The following FBXL7 variants were observed in gnomAD, a reference collection of about 807,000 sequenced individuals.
The protein encoded by FBXL7 is F-box/LRR-repeat protein 7.
A neutral mutation model predicts 38.3 loss-of-function variants in FBXL7; 12 were observed. The observed-to-expected ratio is 0.31, with a 90% CI of 0.20 to 0.51. FBXL7 has a LOEUF of 0.51. FBXL7 is among the 20% of genes least tolerant of loss of function. The probability of loss-of-function intolerance (pLI) is 0.98; values close to 1 mark genes in which losing one functional copy is unlikely to be tolerated. For missense variants in FBXL7, 567 were observed against 676.4 expected (o/e 0.84, Z 1.79); for synonymous variants, 297 against 300.9 (o/e 0.99, Z 0.13).
At chr5:15,692,141 A>G (rs1482852959) in intron 2 of FBXL7, among the ~76,000 whole-genome samples, 1 of 152,150 alleles carries the variant, frequency 6.6e-6, no homozygotes, top group South Asian at 2.1e-4. Flanking sequence ...ATCCGGGGTC[A>G]CTTCTCTTTT....
rs932074114 is a variant in FBXL7 at position 15,782,134 on chromosome 5, A to G, written c.128-145756A>G. Among the ~76,000 whole-genome samples the G allele has an allele frequency of 2.0e-4, 30 of 152,054 alleles. 1 individual carries two copies. The highest frequency in any genetic ancestry group is 2.9e-5 in the Non-Finnish European group (2 of 68,012). On this transcript the variant is annotated intron_variant, in intron 2 of 3. Coordinates refer to ENST00000504595, the MANE Select transcript of FBXL7 (RefSeq NM_012304.5). ...GCTGAGAATGAGGGTTTCCAGCTTCATCCATGTCCCTGCAAAGGACATGAA... is the reference window on the plus strand; with the variant it reads ...GCTGAGAATGAGGGTTTCCAGCTTCGTCCATGTCCCTGCAAAGGACATGAA...
At chr5:15,510,877 A>G (rs2126355776) in intron 1 of FBXL7, among the ~76,000 whole-genome samples, 1 of 152,340 alleles carries the variant, frequency 6.6e-6, no homozygotes, top group East Asian at 1.9e-4. Context: ...TGAGGCTGGC[A>G]CTGGTGATTG....
chr5:15,581,973 T>C (rs935660740), intron 1 of FBXL7, among the ~76,000 whole-genome samples: 3 of 152,326 alleles, frequency 2.0e-5, no homozygotes, highest in Non-Finnish European at 4.4e-5. Flanking sequence ...GATCGCATTC[T>C]GTGTCCCAGG....
At chr5:15,861,726 A>G (rs1487692197) in intron 2 of FBXL7, among the ~76,000 whole-genome samples, 1 of 152,142 alleles carries the variant, frequency 6.6e-6, no homozygotes, top group Admixed American at 6.5e-5. Flanking sequence ...GGTGTCCTGA[A>G]GTCGTGGGGT....
Position 15,889,300 on chromosome 5 carries a change from C to T in FBXL7, c.128-38590C>T, listed in dbSNP as rs1006808401. On this transcript the variant is annotated intron_variant, in intron 2 of 3. Coordinates refer to ENST00000504595, the MANE Select transcript of FBXL7 (RefSeq NM_012304.5). ...ATTACCCATTCTTCTGATACACCCC[C>T]AAACATCCCTACCTGGGATTAAGAT... Among the ~76,000 whole-genome samples, 6 of 152,308 alleles carry T rather than the reference C, an allele frequency of 3.9e-5. No homozygotes were observed. In the South Asian group the frequency reaches 6.2e-4, roughly 16 times the overall value.
chr5:15,608,844 A>G (rs1407015315), intron 1 of FBXL7, among the ~76,000 whole-genome samples: 1 of 152,148 alleles, frequency 6.6e-6, no homozygotes, highest in Non-Finnish European at 1.5e-5. Flanking sequence ...ACATACACAT[A>G]TGTAACCTCC....
chr5:15,588,254 C>A (rs1006361500), intron 1 of FBXL7, among the ~76,000 whole-genome samples: 4 of 152,128 alleles, frequency 2.6e-5, no homozygotes, highest in Non-Finnish European at 5.9e-5. Context: ...TGCTGTTATT[C>A]CCAAAATAAG....
chr5:15,815,549 A>G (rs1413334700), intron 2 of FBXL7, among the ~76,000 whole-genome samples: 1 of 152,142 alleles, frequency 6.6e-6, no homozygotes, highest in Non-Finnish European at 1.5e-5. Context: ...CTGATGGGAA[A>G]ATTCTGCCTT....
chr5:15,903,093 G>GACT (rs1215913521), intron 2 of FBXL7, among the ~76,000 whole-genome samples: 3 of 152,214 alleles, frequency 2.0e-5, no homozygotes, highest in Non-Finnish European at 4.4e-5. Context: ...CAAGCCAAAT[G>GACT]ACTACATTGA....
At position 15,928,385 on chromosome 5, in the gene FBXL7, C is replaced by G. The variant is rs752374404; in HGVS notation, c.623C>G (p.Ala208Gly). 6.2e-7 allele frequency: 1 copy of G among 1,614,062 alleles called. No individual in the cohort carries two copies. Among genetic ancestry groups the G allele is most frequent in the Non-Finnish European group, 8.5e-7 (1 of 1,179,908 alleles). ...ACAGACCGAGGGCTGTACACCATCG[C>G]CCAGTGCTGCCCCGAACTGAGGCGA... ...RLTDRGLYTI[A>G]QCCPELRRLE... Residue 208 changes from alanine (A) to glycine (G), a missense_variant, in exon 3 of 4, where the codon GCC (alanine) becomes GGC (glycine). Ala to Gly is a moderately conservative substitution (Grantham distance 60). Transcript: ENST00000504595. This position sits in a 1 kb window ranked among gnomAD's most constrained non-coding sequence, Gnocchi z 4.0.
chr5:15,600,252 G>A (rs1039644558), intron 1 of FBXL7, among the ~76,000 whole-genome samples: 1 of 152,156 alleles, frequency 6.6e-6, no homozygotes, highest in South Asian at 2.1e-4. Flanking sequence ...GAATGCTGGT[G>A]GATTGGATTG....
At chr5:15,762,259 G>A (rs182008017) in intron 2 of FBXL7, among the ~76,000 whole-genome samples, 17 of 152,292 alleles carry the variant, frequency 1.1e-4, no homozygotes, top group African/African-American at 3.8e-4. Flanking sequence ...AGCTTGCTTC[G>A]TCAAAGACAG....
intron 2 of FBXL7, among the ~76,000 whole-genome samples, chr5:15,863,864 G>A (rs1224079373): frequency 4.6e-5 from 7 of 152,254 alleles, no homozygotes; most frequent in Admixed American, 2.0e-4. Context: ...CACCATGAGT[G>A]GAAGCAGCTG....
At chr5:15,821,994 G>A (rs1042134214) in intron 2 of FBXL7, among the ~76,000 whole-genome samples, 3 of 152,106 alleles carry the variant, frequency 2.0e-5, no homozygotes, top group African/African-American at 7.2e-5. Flanking sequence ...TGCTGCCTCA[G>A]TAAAAACCAT....
At chr5:15,752,659 A>G (rs908370059) in intron 2 of FBXL7, among the ~76,000 whole-genome samples, 2 of 152,252 alleles carry the variant, frequency 1.3e-5, no homozygotes, top group East Asian at 1.9e-4. Context: ...TTGATATGCA[A>G]TAAAGGACTT....
intron 1 of FBXL7, among the ~76,000 whole-genome samples, chr5:15,519,207 G>T (rs938838323): frequency 2.0e-5 from 3 of 152,128 alleles, no homozygotes; most frequent in African/African-American, 7.2e-5. Context: ...AGCTGGGTGT[G>T]GTGGCGTGTG....
intron 2 of FBXL7, among the ~76,000 whole-genome samples, chr5:15,708,420 A>G (rs1412734967): frequency 6.6e-6 from 1 of 152,082 alleles, no homozygotes; most frequent in African/African-American, 2.4e-5. Context: ...CTGCTAATTC[A>G]CTCCTGAGTT....
intron 1 of FBXL7, among the ~76,000 whole-genome samples, chr5:15,557,057 C>T (rs1738263127): frequency 1.3e-5 from 2 of 152,214 alleles, no homozygotes; most frequent in African/African-American, 4.8e-5. Context: ...CCTGTCTCAG[C>T]CTCCCCAGTA....
intron 2 of FBXL7, among the ~76,000 whole-genome samples, chr5:15,861,269 A>G (rs1247342923): frequency 6.6e-6 from 1 of 152,240 alleles, no homozygotes; most frequent in Non-Finnish European, 1.5e-5. Context: ...GGATATTACC[A>G]GAATGACTGA....
Sources: allele counts gnomAD v4.1 joint callset (sites outside exome capture counted in the v4.1 genomes callset), GRCh38; gene constraint gnomAD v4.1.1; non-coding constraint Gnocchi (gnomAD v3.1); transcripts MANE v1.5; gene names NCBI Gene and HGNC (gene_info 2026-07-23, HGNC 2026-07-21).